Variants in KCNQ5 observed in about 807,000 individuals in gnomAD.
KCNQ5 encodes the protein potassium voltage-gated channel subfamily Q member 5, also known as potassium voltage-gated channel subfamily KQT member 5.
KCNQ5 carries 30 observed loss-of-function variants against 98.2 expected under a neutral mutation model. The observed-to-expected ratio is 0.31, with a 90% confidence interval of 0.23 to 0.41. KCNQ5 has a LOEUF of 0.41. Ranked by LOEUF, KCNQ5 falls within the 10% of genes least tolerant of loss-of-function variation. The pLI is 1.00. For missense variants in KCNQ5, 835 were observed against 1,182.5 expected (o/e 0.71, Z 4.31); for synonymous variants, 458 against 449.4 (o/e 1.02, Z -0.24).
chr6:72,726,989 T>C (rs1770317033), intron 1 of KCNQ5, among the ~76,000 whole-genome samples: 1 of 152,254 alleles, frequency 6.6e-6, no homozygotes, highest in African/African-American at 2.4e-5. Context: ...CAGATCACTC[T>C]TAGTCGTGAC....
At chr6:72,749,479 G>T (rs1318786904) in intron 1 of KCNQ5, among the ~76,000 whole-genome samples, 1 of 151,992 alleles carries the variant, frequency 6.6e-6, no homozygotes, top group African/African-American at 2.4e-5. Flanking sequence ...AAATTTCTCA[G>T]ACTTTAATTC....
At chr6:72,758,040 A>T (rs1772058581) in intron 1 of KCNQ5, among the ~76,000 whole-genome samples, 1 of 152,004 alleles carries the variant, frequency 6.6e-6, no homozygotes, top group Non-Finnish European at 1.5e-5. Flanking sequence ...CCTCAGTCTA[A>T]GTGCTGCAGG....
chr6:72,926,296 A>G (rs900242748), intron 1 of KCNQ5, among the ~76,000 whole-genome samples: 1 of 152,196 alleles, frequency 6.6e-6, no homozygotes, highest in Non-Finnish European at 1.5e-5. Flanking sequence ...GAATCAGCTC[A>G]TGAAAAGTTA....
rs12662338 is a variant in KCNQ5, at chr6:72,916,205, T to C, written c.399-87703T>C. ...GGTAGCAATTTCTCATTTTATGTCT[T>C]TTTCCCAGCCACTTTATTATTTATA... On this transcript the variant is annotated intron_variant, in intron 1 of 13. Transcript: ENST00000370398. Among the ~76,000 whole-genome samples the C allele has an allele frequency of 3.0e-3, 462 of 152,328 alleles. 4 individuals are homozygous for C. Among genetic ancestry groups the C allele is most frequent in the East Asian group, 0.021 (107 of 5,188 alleles).
At chr6:73,002,720 A>G (rs900293600) in intron 1 of KCNQ5, among the ~76,000 whole-genome samples, 2 of 152,196 alleles carry the variant, frequency 1.3e-5, no homozygotes, top group African/African-American at 2.4e-5. Flanking sequence ...CAGTTCTGCA[A>G]TCATAGCATG....
intron 1 of KCNQ5, among the ~76,000 whole-genome samples, chr6:72,906,249 C>G (rs1779696524): frequency 6.6e-6 from 1 of 152,168 alleles, no homozygotes; most frequent in Non-Finnish European, 1.5e-5. Context: ...CCCACCATGC[C>G]CCTGCTAGCA....
chr6:72,908,289 A>C (rs950693390), intron 1 of KCNQ5, among the ~76,000 whole-genome samples: 4 of 152,120 alleles, frequency 2.6e-5, no homozygotes, highest in Non-Finnish European at 5.9e-5. Flanking sequence ...TCCAATGTAC[A>C]ACATGAGAAC....
chr6:73,043,902 G>T (rs1771834317), intron 3 of KCNQ5, among the ~76,000 whole-genome samples: 1 of 152,104 alleles, frequency 6.6e-6, no homozygotes, highest in African/African-American at 2.4e-5. Context: ...TCAGATCCTT[G>T]CAGGTCTTGA....
chr6:72,926,106 G>T (rs1033958813), intron 1 of KCNQ5, among the ~76,000 whole-genome samples: 2 of 152,112 alleles, frequency 1.3e-5, no homozygotes, highest in Non-Finnish European at 2.9e-5. Context: ...CTGTCAAGAG[G>T]TGGGGGATTG....
intron 1 of KCNQ5, among the ~76,000 whole-genome samples, chr6:72,633,467 G>A (rs1338375943): frequency 6.6e-6 from 1 of 152,138 alleles, no homozygotes; most frequent in East Asian, 1.9e-4. Flanking sequence ...TGGCCACACT[G>A]CCCAAAGCAA....
intron 1 of KCNQ5, among the ~76,000 whole-genome samples, chr6:72,882,932 G>A (rs2150174793): frequency 1.3e-5 from 2 of 152,046 alleles, no homozygotes; most frequent in East Asian, 3.9e-4. Context: ...TTTTTCATGT[G>A]GGAAAAATAG....
At chr6:72,727,346 T>C (rs905222774) in intron 1 of KCNQ5, among the ~76,000 whole-genome samples, 2 of 152,256 alleles carry the variant, frequency 1.3e-5, no homozygotes. Context: ...CTCTGAAGTA[T>C]GATTCCCAGT....
intron 1 of KCNQ5, among the ~76,000 whole-genome samples, chr6:72,867,334 G>A (rs1228664662): frequency 5.9e-5 from 9 of 152,174 alleles, no homozygotes; most frequent in Admixed American, 5.9e-4. Context: ...GATACCTGAA[G>A]CTCAGAGTCT....
intron 1 of KCNQ5, among the ~76,000 whole-genome samples, chr6:72,689,783 G>A (rs1356911315): frequency 7.0e-6 from 1 of 142,050 alleles, no homozygotes; most frequent in Admixed American, 7.0e-5. Flanking sequence ...GAAAACAAGC[G>A]TTTTTTTTTT....
At chr6:73,101,319 C>A (rs953630429) in intron 5 of KCNQ5, among the ~76,000 whole-genome samples, 1 of 152,098 alleles carries the variant, frequency 6.6e-6, no homozygotes, top group Non-Finnish European at 1.5e-5. Context: ...CTCAGGGATG[C>A]AAGGATGGTT....
chr6:73,147,360 A>G (rs1776965358), intron 10 of KCNQ5, among the ~76,000 whole-genome samples: 1 of 152,108 alleles, frequency 6.6e-6, no homozygotes, highest in Non-Finnish European at 1.5e-5. Flanking sequence ...CTTAATTTGC[A>G]TGTATTTGTC....
At chr6:72,931,094 A>G (rs1235007579) in intron 1 of KCNQ5, among the ~76,000 whole-genome samples, 2 of 152,184 alleles carry the variant, frequency 1.3e-5, no homozygotes, top group African/African-American at 4.8e-5. Flanking sequence ...TGGTCCTTGT[A>G]TAAAAGCATA....
intron 11 of KCNQ5, among the ~76,000 whole-genome samples, chr6:73,177,742 C>T (rs1243548514): frequency 2.0e-5 from 3 of 152,200 alleles, no homozygotes; most frequent in Non-Finnish European, 4.4e-5. Flanking sequence ...TTAAGACATT[C>T]TTGACAGCCA....
intron 2 of KCNQ5, among the ~76,000 whole-genome samples, chr6:73,016,493 G>A (rs974898004): frequency 2.6e-5 from 4 of 151,958 alleles, no homozygotes; most frequent in African/African-American, 9.7e-5. Flanking sequence ...GAAAGGAGAT[G>A]GCCCATTTAA....
Sources: allele counts gnomAD v4.1 joint callset (sites outside exome capture counted in the v4.1 genomes callset), GRCh38; gene constraint gnomAD v4.1.1; transcripts MANE v1.5; gene names NCBI Gene and HGNC (gene_info 2026-07-23, HGNC 2026-07-21).